Variants in GNA14 observed in about 807,000 individuals in gnomAD.
The protein encoded by GNA14 is G protein subunit alpha 14.
GNA14 carries 50 observed loss-of-function variants against 42.0 expected under a neutral mutation model. The observed-to-expected ratio is 1.19, with a 90% CI of 0.95 to 1.51. The LOEUF is 1.51. GNA14 is among the 40% of genes most tolerant of loss of function. The pLI is 0.00. For missense variants in GNA14, 473 were observed against 446.2 expected (o/e 1.06, Z -0.54); for synonymous variants, 173 against 163.1 (o/e 1.06, Z -0.46).
chr9:77,461,762 T>C (rs1168257128), intron 2 of GNA14, among the ~76,000 whole-genome samples: 1 of 142,876 alleles, frequency 7.0e-6, no homozygotes, highest in Non-Finnish European at 1.5e-5. Flanking sequence ...TCTTGAATAA[T>C]AGTATCCCAG....
intron 2 of GNA14, among the ~76,000 whole-genome samples, chr9:77,527,566 T>C (rs866008473): frequency 6.6e-6 from 1 of 152,242 alleles, no homozygotes; most frequent in Non-Finnish European, 1.5e-5. Flanking sequence ...ATTCTTCCAA[T>C]GTGGCCCAGG....
intron 2 of GNA14, among the ~76,000 whole-genome samples, chr9:77,449,146 A>G (rs575460603): frequency 6.6e-6 from 1 of 152,368 alleles, no homozygotes; most frequent in Admixed American, 6.5e-5. Context: ...TGTTCAGTAC[A>G]GCAACATGTG....
chr9:77,482,694 A>G (rs970353131), intron 2 of GNA14, among the ~76,000 whole-genome samples: 3 of 152,190 alleles, frequency 2.0e-5, no homozygotes, highest in Admixed American at 6.5e-5. Context: ...AGGTACACCA[A>G]TCAGACCTAG....
chr9:77,457,446 G>A lies in GNA14; in HGVS notation c.310-22924C>T, dbSNP rs76370913. On this transcript the variant is annotated intron_variant, in intron 2 of 6. Coordinates refer to ENST00000341700, the MANE Select transcript of GNA14 (RefSeq NM_004297.4). ...ATTATAAAGTGAATGAGTGGTAAAG[G>A]GACTAAGCCCAATTGTGTATGCCCG... is the stretch of plus-strand genomic sequence containing the variant. Among the ~76,000 whole-genome samples the A allele has an allele frequency of 7.0e-3, 1,070 of 152,234 alleles. 15 individuals are homozygous for A. Among genetic ancestry groups the A allele is most frequent in the South Asian group, 0.041 (197 of 4,824 alleles).
chr9:77,474,397 T>A (rs1836382414), intron 2 of GNA14, among the ~76,000 whole-genome samples: 1 of 25,422 alleles, frequency 3.9e-5, no homozygotes, highest in Non-Finnish European at 6.4e-5. Flanking sequence ...GCACTTGTTA[T>A]CCATGACAAG....
chr9:77,470,841 G>T (rs1204465281), intron 2 of GNA14, among the ~76,000 whole-genome samples: 1 of 152,082 alleles, frequency 6.6e-6, no homozygotes, highest in African/African-American at 2.4e-5. Context: ...CAGCAGGAGA[G>T]AAAGAGAGAG....
At chr9:77,505,581 G>A (rs1286613002) in intron 2 of GNA14, among the ~76,000 whole-genome samples, 1 of 152,162 alleles carries the variant, frequency 6.6e-6, no homozygotes, top group Admixed American at 6.6e-5. Flanking sequence ...TAAATGCATG[G>A]GTGAATGAAT....
intron 2 of GNA14, among the ~76,000 whole-genome samples, chr9:77,466,912 G>GC (rs547797885): frequency 5.7e-4 from 87 of 151,980 alleles, no homozygotes; most frequent in African/African-American, 2.1e-3. Context: ...CTAGAGGCTG[G>GC]CCCCTGAGTC....
At chr9:77,579,062 G>A (rs1219834160) in intron 1 of GNA14, among the ~76,000 whole-genome samples, 1 of 152,186 alleles carries the variant, frequency 6.6e-6, no homozygotes, top group African/African-American at 2.4e-5. Context: ...GGCTGGCAGT[G>A]AGCTGCCCGA....
rs1026965890 is a variant in GNA14, at chr9:77,425,629, G to T, written c.810C>A (p.Asn270Lys). The stretch of plus-strand genomic sequence containing the variant: ...TTTTCTCTTCCAAAAGATCCTTCTT[G>T]TTCAAGAATAAAATCACAGACGAAT... The part of the protein sequence containing the change: ...FLNSSVILFL[N>K]KKDLLEEKIM... The change falls in exon 6 of 7, where the codon AAC becomes AAA. Residue 270 changes from asparagine (N) to lysine (K), a missense_variant. Physicochemically the swap from Asn to Lys is moderately conservative, Grantham distance 94. Transcript: ENST00000341700. The T allele has an allele frequency of 1.2e-6, 2 of 1,607,884 alleles. No homozygotes were observed. Among genetic ancestry groups the T allele is most frequent in the Non-Finnish European group, 1.7e-6 (2 of 1,174,520 alleles).
chr9:77,500,699 A>T (rs1281566246), intron 2 of GNA14, among the ~76,000 whole-genome samples: 1 of 152,228 alleles, frequency 6.6e-6, no homozygotes, highest in South Asian at 2.1e-4. Flanking sequence ...GAAATCATAT[A>T]GTATGTAACC....
intron 1 of GNA14, among the ~76,000 whole-genome samples, chr9:77,612,027 CTAA>C (rs1332680807): frequency 6.6e-6 from 1 of 152,070 alleles, no homozygotes; most frequent in East Asian, 1.9e-4. Flanking sequence ...AATATTGTCA[CTAA>C]TAATAACAAT....
At chr9:77,518,378 A>G (rs1199246179) in intron 2 of GNA14, among the ~76,000 whole-genome samples, 2 of 152,104 alleles carry the variant, frequency 1.3e-5, no homozygotes, top group Non-Finnish European at 2.9e-5. Flanking sequence ...GACCATCATG[A>G]TGATAAAACC....
chr9:77,467,570 A>G (rs546443191), intron 2 of GNA14, among the ~76,000 whole-genome samples: 29 of 150,032 alleles, frequency 1.9e-4, no homozygotes, highest in African/African-American at 6.9e-4. Flanking sequence ...CAACATGTCT[A>G]CTGTGAATGA....
chr9:77,605,622 C>G (rs1823634790), intron 1 of GNA14, among the ~76,000 whole-genome samples: 1 of 152,164 alleles, frequency 6.6e-6, no homozygotes, highest in Non-Finnish European at 1.5e-5. Context: ...TCTGTGACAA[C>G]ATGGATGAGC....
chr9:77,572,935 T>G (rs1823081342), intron 1 of GNA14, among the ~76,000 whole-genome samples: 1 of 152,174 alleles, frequency 6.6e-6, no homozygotes, highest in Non-Finnish European at 1.5e-5. Context: ...ACTAGCTGAT[T>G]AGGATTTGCA....
At chr9:77,629,311 G>T (rs939996442) in intron 1 of GNA14, among the ~76,000 whole-genome samples, 3 of 152,226 alleles carry the variant, frequency 2.0e-5, no homozygotes, top group Non-Finnish European at 2.9e-5. Context: ...CATTGTGGAA[G>T]ACAGTGTAGC....
intron 1 of GNA14, among the ~76,000 whole-genome samples, chr9:77,626,815 A>G (rs1453250198): frequency 3.3e-5 from 5 of 152,208 alleles, no homozygotes; most frequent in Non-Finnish European, 5.9e-5. Context: ...TAACATCACA[A>G]TGAAAAGAAC....
chr9:77,446,043 G>A (rs1172381988), intron 2 of GNA14, among the ~76,000 whole-genome samples: 1 of 152,200 alleles, frequency 6.6e-6, no homozygotes, highest in Non-Finnish European at 1.5e-5. Flanking sequence ...CAGTGACCAG[G>A]GCCCTGCTGG....
Sources: gnomAD v4.1 joint callset for allele counts (sites outside exome capture counted in the v4.1 genomes callset) on GRCh38, gnomAD v4.1.1 for gene constraint, MANE v1.5 for transcripts, NCBI Gene and HGNC (gene_info 2026-07-23, HGNC 2026-07-21) for gene names.